CABLES1: variants seen among roughly 807,000 people sequenced by gnomAD.
CABLES1 encodes Cdk5 and Abl enzyme substrate 1.
A neutral mutation model predicts 57.8 loss-of-function variants in CABLES1; 36 were observed. The observed-to-expected ratio is 0.62, with a 90% CI of 0.48 to 0.82. CABLES1 has a LOEUF of 0.82. CABLES1 is among the 40% of genes least tolerant of loss of function. CABLES1 has a pLI of 0.00. For missense variants in CABLES1, 767 were observed against 836.6 expected (o/e 0.92, Z 1.03); for synonymous variants, 374 against 363.0 (o/e 1.03, Z -0.35).
intron 4 of CABLES1, among the ~76,000 whole-genome samples, chr18:23,231,337 A>G (rs78631338): frequency 0.043 from 6,487 of 152,320 alleles, 603 homozygotes; most frequent in Admixed American, 0.22. Context: ...TCACATTTCA[A>G]GCACTTAGTT....
chr18:23,142,854 G>T (rs1002599726), intron 1 of CABLES1, among the ~76,000 whole-genome samples: 2 of 152,138 alleles, frequency 1.3e-5, no homozygotes, highest in Non-Finnish European at 2.9e-5. Flanking sequence ...GTGGCAGCTG[G>T]CACAGGGCCT....
chr18:23,195,830 G>T (rs1410674421), intron 3 of CABLES1, among the ~76,000 whole-genome samples: 1 of 152,010 alleles, frequency 6.6e-6, no homozygotes, highest in Non-Finnish European at 1.5e-5. Context: ...GTTTTCTTTT[G>T]AGGCTTTTAC....
chr18:23,150,710 G>A lies in CABLES1; in HGVS notation c.845+14103G>A, dbSNP rs75233144. On this transcript the variant is annotated intron_variant, in intron 1 of 9. Transcript: ENST00000256925. ...ACTAAACTCTGGAGGGTTCGGTGAAGGGTCGTGGGAGTCTGTGAACTTCTA... is the reference window on the plus strand; with the variant it reads ...ACTAAACTCTGGAGGGTTCGGTGAAAGGTCGTGGGAGTCTGTGAACTTCTA... Among the ~76,000 whole-genome samples, 505 of 152,240 alleles carry A rather than the reference G, an allele frequency of 3.3e-3. 3 individuals carry two copies. The highest frequency in any genetic ancestry group is 0.014 in the Middle Eastern group (4 of 294).
intron 3 of CABLES1, among the ~76,000 whole-genome samples, chr18:23,207,721 T>A (rs1320752555): frequency 6.6e-6 from 1 of 151,974 alleles, no homozygotes; most frequent in Admixed American, 6.6e-5. Context: ...AGAGGAAGAT[T>A]ATGTAACTTG....
chr18:23,163,695 G>GA (rs2047021049), intron 1 of CABLES1, among the ~76,000 whole-genome samples: 1 of 152,090 alleles, frequency 6.6e-6, no homozygotes, highest in Non-Finnish European at 1.5e-5. Flanking sequence ...TCTTTAACTG[G>GA]TGAGCATGGA....
At chr18:23,174,821 C>CATATATTTATATAT (rs2047110573) in intron 1 of CABLES1, among the ~76,000 whole-genome samples, 1 of 94,564 alleles carries the variant, frequency 1.1e-5, no homozygotes, top group African/African-American at 4.1e-5. Flanking sequence ...CATGTTACAC[C>CATATATTTATATAT]ATATATATAT....
At chr18:23,186,551 G>A (rs2047204379) in intron 1 of CABLES1, among the ~76,000 whole-genome samples, 1 of 151,496 alleles carries the variant, frequency 6.6e-6, no homozygotes, top group Admixed American at 6.6e-5. Flanking sequence ...TCAGCCTCCC[G>A]AGTAGCTGGG....
rs1306465250 is a variant in CABLES1 at position 23,258,066 on chromosome 18, A to G, written c.*699A>G. 6.6e-6 allele frequency: 1 copy of G among 152,214 alleles called. No individual in the cohort carries two copies. Among genetic ancestry groups the G allele is most frequent in the East Asian group, 1.9e-4 (1 of 5,186 alleles). 9.4% of individuals were successfully genotyped at this position (152,214 alleles called of 1,614,324 possible). A position where few individuals can be genotyped will look rare whatever the true frequency, so the allele number is the denominator to read the frequency against. ...TGACATCCTCCACCCTTAGAAAATG[A>G]CTGACATTGTTTTGTTACTGCTCCT... On this transcript the variant is annotated 3_prime_UTR_variant, in exon 10 of 10. Transcript: ENST00000256925.
At chr18:23,162,118 C>T (rs2047009506) in intron 1 of CABLES1, among the ~76,000 whole-genome samples, 1 of 151,482 alleles carries the variant, frequency 6.6e-6, no homozygotes, top group African/African-American at 2.4e-5. Context: ...TGAGCCGAGA[C>T]TGCACCATTG....
chr18:23,149,502 G>T (rs904093712), intron 1 of CABLES1, among the ~76,000 whole-genome samples: 1 of 152,024 alleles, frequency 6.6e-6, no homozygotes, highest in African/African-American at 2.4e-5. Context: ...GGCTGGTCTC[G>T]AACTACTGAG....
At chr18:23,235,800 A>AC in intron 5 of CABLES1, 95 bp from the exon 6 acceptor site, 2 of 1,204,624 alleles carry the variant, frequency 1.7e-6, no homozygotes, top group Admixed American at 4.2e-5. Flanking sequence ...GAGAAAGTGG[A>AC]CCTGAATGTG....
intron 1 of CABLES1, among the ~76,000 whole-genome samples, chr18:23,173,314 C>G (rs558093129): frequency 6.6e-6 from 1 of 152,332 alleles, no homozygotes; most frequent in African/African-American, 2.4e-5. Context: ...CTCTGTAACC[C>G]ACATTTGAAA....
intron 4 of CABLES1, among the ~76,000 whole-genome samples, chr18:23,226,561 A>G (rs908135980): frequency 6.6e-6 from 1 of 152,126 alleles, no homozygotes; most frequent in Admixed American, 6.5e-5. Flanking sequence ...CAGTTACATT[A>G]TAGGCTCAGA....
At chr18:23,257,065 A>G in intron 9 of CABLES1, 162 bp from the exon 10 acceptor site, 1 of 730,244 alleles carries the variant, frequency 1.4e-6, no homozygotes, top group Non-Finnish European at 2.2e-6. Context: ...GACCGAAGGC[A>G]GGAAGCACAG....
intron 3 of CABLES1, chr18:23,204,474 G>A (rs576954511): frequency 6.6e-6 from 1 of 152,348 alleles, no homozygotes; most frequent in South Asian, 2.1e-4. Flanking sequence ...AGAAATAAAA[G>A]CAGTCACAGA....
At chr18:23,205,825 CTCTAG>C (rs2047359190) in intron 3 of CABLES1, among the ~76,000 whole-genome samples, 1 of 152,122 alleles carries the variant, frequency 6.6e-6, no homozygotes, top group Admixed American at 6.5e-5. Flanking sequence ...TGCCACTGCC[CTCTAG>C]TCTAGGTGAT....
At chr18:23,250,680 C>T (rs1188913296) in intron 7 of CABLES1, among the ~76,000 whole-genome samples, 3 of 152,178 alleles carry the variant, frequency 2.0e-5, no homozygotes, top group Non-Finnish European at 2.9e-5. Flanking sequence ...CTGGTCCTTG[C>T]AGGGCATGTG....
intron 5 of CABLES1, among the ~76,000 whole-genome samples, chr18:23,235,014 A>C (rs1015239684): frequency 2.0e-5 from 3 of 152,182 alleles, no homozygotes; most frequent in Non-Finnish European, 4.4e-5. Context: ...AACATCTATT[A>C]ACTAGTGGTG....
chr18:23,228,908 G>C (rs909236585), intron 4 of CABLES1, among the ~76,000 whole-genome samples: 1 of 152,142 alleles, frequency 6.6e-6, no homozygotes, highest in African/African-American at 2.4e-5. Context: ...TAGAGAGAAG[G>C]AATGACAACC....
Sources: gnomAD v4.1 joint callset for allele counts (sites outside exome capture counted in the v4.1 genomes callset) on GRCh38, gnomAD v4.1.1 for gene constraint, MANE v1.5 for transcripts, NCBI Gene and HGNC (gene_info 2026-07-23, HGNC 2026-07-21) for gene names.